Variants in ANKRD31 observed in about 807,000 individuals in gnomAD.
The protein encoded by ANKRD31 is ankyrin repeat domain 31.
A neutral mutation model predicts 186.0 loss-of-function variants in ANKRD31; 147 were observed. That is an observed-to-expected ratio of 0.79 (90% confidence interval 0.69 to 0.91). ANKRD31 has a LOEUF of 0.91. ANKRD31 is among the 40% of genes least tolerant of loss of function. The probability of loss-of-function intolerance (pLI) is 0.00; values close to 1 mark genes in which losing one functional copy is unlikely to be tolerated. For synonymous variants in ANKRD31, 673 were observed against 736.4 expected (o/e 0.91, Z 1.39); for missense variants, 1,986 against 2,148.8 (o/e 0.92, Z 1.50).
At chr5:75,100,348 T>C (rs1425130765) in intron 22 of ANKRD31, among the ~76,000 whole-genome samples, 3 of 152,218 alleles carry the variant, frequency 2.0e-5, no homozygotes, top group Non-Finnish European at 4.4e-5. Flanking sequence ...TCCAACTATG[T>C]GGTCAATTTT....
chr5:75,207,755 T>C (rs972947816), intron 4 of ANKRD31, among the ~76,000 whole-genome samples: 3 of 152,148 alleles, frequency 2.0e-5, no homozygotes, highest in Non-Finnish European at 2.9e-5. Context: ...TGTTAACAAA[T>C]GGTTCTCTAG....
At position 75,104,705 on chromosome 5, in the gene ANKRD31, T is replaced by C. The variant is rs1747190502; in HGVS notation, c.4854A>G (p.Lys1618=). 1 of 1,536,880 alleles carries C rather than the reference T, an allele frequency of 6.5e-7. No homozygotes were observed. Among genetic ancestry groups the C allele is most frequent in the South Asian group, 1.2e-5 (1 of 83,940 alleles). The change falls in exon 22 of 26, where the codon AAA becomes AAG. Residue 1618 remains lysine (K), a synonymous_variant. Transcript: ENST00000506364. ...CTGTAGCTTCTGTAAGATCATTCTC[T>C]TTCTGTGAATATTCTGTTTGACCAA... The part of the protein sequence containing the change: ...AFIGQTEYSQ[K]ENDLTEATDK...
intron 5 of ANKRD31, among the ~76,000 whole-genome samples, 161 bp downstream of exon 5, chr5:75,206,231 AAAAAAAAAAAAAAAAAAAT>A (rs1756183959): frequency 4.4e-5 from 1 of 22,640 alleles, no homozygotes; most frequent in Non-Finnish European, 8.3e-5. Flanking sequence ...AAAAAAAAAA[AAAAAAAAAAAAAAAAAAAT>A]ATATATATAT....
At position 75,192,692 on chromosome 5, in the gene ANKRD31, T is replaced by A. The variant is rs1490925921; in HGVS notation, c.1383A>T (p.Lys461Asn). ...ARFKNGKQIRKNEQFSGKKEK... is the reference protein window; with the variant it reads ...ARFKNGKQIRNNEQFSGKKEK... ...CTTTTTTTCCTGAAAATTGTTCATT[T>A]TTCCTGATCTGTTTTCCATTCTTGA... The change falls in exon 9 of 26, where the codon AAA becomes AAT. Residue 461 changes from lysine to asparagine, a missense_variant. Transcript: ENST00000506364. The A allele has an allele frequency of 1.3e-6, 2 of 1,533,162 alleles. No homozygotes were observed. Among genetic ancestry groups the A allele is most frequent in the African/African-American group, 2.7e-5 (2 of 72,760 alleles). The allele number at this position is 1,533,162 out of a possible 1,614,324, so 95.0% of individuals were successfully genotyped here.
Position 75,197,616 on chromosome 5 carries a change from C to T in ANKRD31, c.448-1416G>A, listed in dbSNP as rs113547149. On this transcript the variant is annotated intron_variant, in intron 6 of 25. Transcript: ENST00000506364. ...TTCTCAGAAAGATAAAAGGAATATG[C>T]AAGAAATTCAAGAACCAGATCCTAC... Among the ~76,000 whole-genome samples the T allele has an allele frequency of 2.6e-3, 394 of 152,202 alleles. 2 individuals carry two copies. Among genetic ancestry groups the T allele is most frequent in the African/African-American group, 8.4e-3 (351 of 41,542 alleles).
In ANKRD31 at chr5:75,147,623, T is replaced by C. The variant is rs1580431962; in HGVS notation, c.1906-118A>G. 1.3e-5 allele frequency: 11 copies of C among 815,396 alleles called. No homozygotes were observed. In the East Asian group the frequency reaches 3.1e-4, roughly 23 times the overall value. The allele number at this position is 815,396 out of a possible 1,614,324, so 50.5% of individuals were successfully genotyped here. ...TTCAAACTATTATTTTCTAATTCAA[T>C]CTAACCACAGATCCTGCTGGGATAT... is the stretch of plus-strand genomic sequence containing the variant. On this transcript the variant is annotated intron_variant, in intron 13 of 25. Coordinates refer to ENST00000506364, the MANE Select transcript of ANKRD31 (RefSeq NM_001372053.1).
chr5:75,165,842 A>T (rs558161277), intron 11 of ANKRD31, among the ~76,000 whole-genome samples: 1 of 152,350 alleles, frequency 6.6e-6, no homozygotes, highest in South Asian at 2.1e-4. Flanking sequence ...TTTAAGATAC[A>T]TAACAAACAC....
intron 3 of ANKRD31, among the ~76,000 whole-genome samples, chr5:75,219,907 TA>T: frequency 6.6e-6 from 1 of 152,198 alleles, no homozygotes; most frequent in Non-Finnish European, 1.5e-5. Context: ...CCTTATTCAA[TA>T]AATGGTGCTG....
At chr5:75,154,078 C>T (rs757520118) in intron 12 of ANKRD31, 123 bp downstream of exon 12, 2 of 932,560 alleles carry the variant, frequency 2.1e-6, no homozygotes, top group Non-Finnish European at 2.9e-6. Flanking sequence ...GAAGAAAAGA[C>T]ACTATTGGAT....
chr5:75,076,644 C>G (rs1260970736), intron 25 of ANKRD31, among the ~76,000 whole-genome samples: 1 of 152,204 alleles, frequency 6.6e-6, no homozygotes, highest in Non-Finnish European at 1.5e-5. Flanking sequence ...TAGCCCCTCT[C>G]TCCTCCTGAG....
chr5:75,134,542 A>C (rs1750389043), intron 17 of ANKRD31, among the ~76,000 whole-genome samples: 1 of 152,234 alleles, frequency 6.6e-6, no homozygotes. Context: ...AACCAAAAAA[A>C]GTCCAGGACC....
intron 3 of ANKRD31, among the ~76,000 whole-genome samples, chr5:75,216,488 C>T (rs1469180778): frequency 6.6e-6 from 1 of 151,902 alleles, no homozygotes; most frequent in African/African-American, 2.4e-5. Flanking sequence ...ATTACTGAAG[C>T]CAGAGGAAAT....
intron 11 of ANKRD31, among the ~76,000 whole-genome samples, chr5:75,154,688 T>C (rs891727033): frequency 1.3e-5 from 2 of 151,966 alleles, no homozygotes; most frequent in African/African-American, 4.8e-5. Context: ...AAGGCTGAGG[T>C]AGAAACATCA....
intron 17 of ANKRD31, among the ~76,000 whole-genome samples, chr5:75,131,793 T>C (rs1428456931): frequency 6.6e-6 from 1 of 151,094 alleles, no homozygotes; most frequent in Non-Finnish European, 1.5e-5. Flanking sequence ...TACTGCCAGG[T>C]GTCCCTCTGA....
intron 1 of ANKRD31, among the ~76,000 whole-genome samples, chr5:75,231,140 G>A (rs191415500): frequency 6.6e-6 from 1 of 152,108 alleles, no homozygotes; most frequent in Non-Finnish European, 1.5e-5. Context: ...GCAGTGGCAT[G>A]AACTTGGCTC....
At chr5:75,160,645 C>A (rs1467963759) in intron 11 of ANKRD31, among the ~76,000 whole-genome samples, 3 of 152,102 alleles carry the variant, frequency 2.0e-5, no homozygotes, top group Non-Finnish European at 2.9e-5. Context: ...ACATACCATG[C>A]AAATGGCAAA....
At position 75,222,314 on chromosome 5, in the gene ANKRD31, C is replaced by T. The variant is rs1406902472; in HGVS notation, c.223G>A (p.Asp75Asn). The T allele has an allele frequency of 6.5e-7, 1 of 1,536,770 alleles. No individual in the cohort carries two copies. The highest frequency in any genetic ancestry group is 2.0e-5 in the Admixed American group (1 of 50,950). ...TTTTTATTCATTTGCTCTTGCAGAT[C>T]CTCTCTGAGCTTAAATCCAAGTTGA... ...EIQLGFKLRE[D>N]LQEQMNKNKM... Residue 75 changes from aspartate to asparagine, a missense_variant, in exon 3 of 26, where the codon GAT (aspartate) becomes AAT (asparagine). Coordinates refer to ENST00000506364, the MANE Select transcript of ANKRD31 (RefSeq NM_001372053.1).
At chr5:75,163,516 A>G (rs373798092) in intron 11 of ANKRD31, among the ~76,000 whole-genome samples, 26 of 152,204 alleles carry the variant, frequency 1.7e-4, no homozygotes, top group African/African-American at 6.0e-4. Context: ...TCTTAGGGTG[A>G]CTGAATAAAT....
chr5:75,198,627 G>A (rs1755623024), intron 6 of ANKRD31, among the ~76,000 whole-genome samples: 1 of 152,152 alleles, frequency 6.6e-6, no homozygotes, highest in Admixed American at 6.5e-5. Flanking sequence ...TAATGATATA[G>A]TTAGTAAATA....
Sources: gnomAD v4.1 joint callset for allele counts (sites outside exome capture counted in the v4.1 genomes callset) on GRCh38, gnomAD v4.1.1 for gene constraint, MANE v1.5 for transcripts, NCBI Gene and HGNC (gene_info 2026-07-23, HGNC 2026-07-21) for gene names.